The following RCAN2 variants were observed in gnomAD, a reference collection of about 807,000 sequenced individuals.
RCAN2 encodes the protein calcipressin-2.
A neutral mutation model predicts 23.6 loss-of-function variants in RCAN2; 9 were observed. The ratio of observed to expected loss-of-function variants is 0.38; its 90% CI spans 0.23 to 0.67. RCAN2 has a LOEUF of 0.67. Ranked by LOEUF, RCAN2 falls within the 30% of genes least tolerant of loss-of-function variation. RCAN2 has a pLI of 0.51. For synonymous variants in RCAN2, 109 were observed against 115.7 expected (o/e 0.94, Z 0.37); for missense variants, 273 against 302.3 (o/e 0.90, Z 0.72).
intron 4 of RCAN2, among the ~76,000 whole-genome samples, chr6:46,240,288 T>C (rs1766259624): frequency 6.6e-6 from 1 of 152,118 alleles, no homozygotes; most frequent in Non-Finnish European, 1.5e-5. Context: ...CAGTAGGATT[T>C]GTTATTCATA....
chr6:46,249,921 AT>A (rs1284945574), intron 2 of RCAN2, among the ~76,000 whole-genome samples: 16 of 152,164 alleles, frequency 1.1e-4, no homozygotes, highest in African/African-American at 3.9e-4. Context: ...GAAAAAAAAA[AT>A]CTCTATTGCA....
Position 46,246,898 on chromosome 6 carries a change from C to T in RCAN2, c.421G>A (p.Gly141Arg). ...GGTGGAGCCAAGTGCAGTTTGTCTC[C>T]ATCTGTCTCTGGAGTCTGAACCTTT... ...FAQVQTPETD[G>R]DKLHLAPPQP... Residue 141 changes from glycine (G) to arginine (R), a missense_variant, in exon 4 of 5, where the codon GGA (glycine) becomes AGA (arginine). Physicochemically the swap from Gly to Arg is moderately radical, Grantham distance 125 (BLOSUM62 -2). Coordinates refer to ENST00000371374, the MANE Select transcript of RCAN2 (RefSeq NM_001251974.2). The T allele has an allele frequency of 6.3e-7, 1 of 1,590,926 alleles. No homozygotes were observed. The highest frequency in any genetic ancestry group is 1.3e-5 in the African/African-American group (1 of 74,264).
chr6:46,460,186 G>A (rs1287434673), intron 1 of RCAN2, among the ~76,000 whole-genome samples: 1 of 152,004 alleles, frequency 6.6e-6, no homozygotes, highest in Non-Finnish European at 1.5e-5. Context: ...AGCCTCGTGA[G>A]TGGCTGGGAC....
At position 46,427,854 on chromosome 6, in the gene RCAN2, C is replaced by T. The variant is rs184300317; in HGVS notation, c.225+28898G>A. ...TCCACATAAGTGATTTCTTTCTTCT[C>T]CCTTGATGAGAGCCTTGATTTACTA... On this transcript the variant is annotated intron_variant, in intron 2 of 4. Transcript: ENST00000371374. 1.3e-3 allele frequency among the ~76,000 whole-genome samples: 196 copies of T among 152,360 alleles called. No homozygotes were observed. In the Middle Eastern group the frequency reaches 0.017, roughly 13 times the overall value.
At chr6:46,249,317 CTT>C (rs11331303) in intron 2 of RCAN2, among the ~76,000 whole-genome samples, 980 of 97,118 alleles carry the variant, frequency 0.01, 7 homozygotes, top group Non-Finnish European at 0.015. Context: ...TTCTTTCTTT[CTT>C]TTTTTTTTTT....
intron 2 of RCAN2, among the ~76,000 whole-genome samples, chr6:46,446,499 C>G (rs1221479498): frequency 6.6e-6 from 1 of 152,098 alleles, no homozygotes; most frequent in Non-Finnish European, 1.5e-5. Context: ...GTAATACAGT[C>G]AAGCATAGGA....
rs985125938 is a variant in RCAN2, at chr6:46,455,000, C to A, written c.225+1752G>T. ...GTATTTAATCAGGAAAGAATGAAAA[C>A]CCTCATTAAATCTCTAAGGAAAATC... On this transcript the variant is annotated intron_variant, in intron 2 of 4. Coordinates refer to ENST00000371374, the MANE Select transcript of RCAN2 (RefSeq NM_001251974.2). 2.0e-5 allele frequency among the ~76,000 whole-genome samples: 3 copies of A among 152,152 alleles called. No homozygotes were observed. In the East Asian group the frequency reaches 5.8e-4, roughly 29 times the overall value.
At chr6:46,461,243 T>C (rs533340067) in intron 1 of RCAN2, among the ~76,000 whole-genome samples, 1 of 152,314 alleles carries the variant, frequency 6.6e-6, no homozygotes, top group African/African-American at 2.4e-5. Context: ...CCTGCAACAC[T>C]GATATAATCA....
intron 1 of RCAN2, among the ~76,000 whole-genome samples, chr6:46,477,201 T>C (rs980764836): frequency 2.0e-5 from 3 of 152,146 alleles, no homozygotes; most frequent in Admixed American, 6.5e-5. Context: ...TGGTACTAAA[T>C]GATACATGGA....
chr6:46,353,736 A>G lies in RCAN2; in HGVS notation c.225+103016T>C, dbSNP rs1753113564. Among the ~76,000 whole-genome samples, 4 of 152,210 alleles carry G rather than the reference A, an allele frequency of 2.6e-5. No individual in the cohort carries two copies. The South Asian group carries it at 8.3e-4, about 32-fold the overall frequency. On this transcript the variant is annotated intron_variant, in intron 2 of 4. Coordinates refer to ENST00000371374, the MANE Select transcript of RCAN2 (RefSeq NM_001251974.2). ...AAAAGTATGGAAACTTGCCCAGGACAGTGTTTAATTTCCCAGGCGGCAGAG... is the reference window on the plus strand; with the variant it reads ...AAAAGTATGGAAACTTGCCCAGGACGGTGTTTAATTTCCCAGGCGGCAGAG...
chr6:46,403,441 A>T (rs892459809), intron 2 of RCAN2, among the ~76,000 whole-genome samples: 8 of 152,076 alleles, frequency 5.3e-5, no homozygotes, highest in Non-Finnish European at 7.4e-5. Flanking sequence ...GCATGGTGGC[A>T]CATGCCTATA....
chr6:46,428,277 A>G lies in RCAN2; in HGVS notation c.225+28475T>C, dbSNP rs546922826. Among the ~76,000 whole-genome samples the G allele has an allele frequency of 2.0e-5, 3 of 152,088 alleles. No individual in the cohort carries two copies. The East Asian group carries it at 5.8e-4, about 29-fold the overall frequency. On this transcript the variant is annotated intron_variant, in intron 2 of 4. Transcript: ENST00000371374. ...AGTACTCGTTCTGCCAAATATTTTT[A>G]CTCCCTGATCAAAGAATATAAGAAT...
intron 2 of RCAN2, among the ~76,000 whole-genome samples, chr6:46,454,876 A>G (rs1767975189): frequency 6.6e-6 from 1 of 152,188 alleles, no homozygotes; most frequent in South Asian, 2.1e-4. Context: ...CTGTCCTTCT[A>G]TGTCCTCAGT....
chr6:46,445,676 G>C (rs1250298073), intron 2 of RCAN2, among the ~76,000 whole-genome samples: 1 of 151,896 alleles, frequency 6.6e-6, no homozygotes, highest in Non-Finnish European at 1.5e-5. Context: ...AACATACAGA[G>C]AAACAATTTA....
intron 1 of RCAN2, among the ~76,000 whole-genome samples, chr6:46,475,701 C>T (rs1041011023): frequency 3.9e-5 from 6 of 152,182 alleles, no homozygotes; most frequent in African/African-American, 1.2e-4. Context: ...GTGACTGCTG[C>T]TTCCACCCTC....
intron 2 of RCAN2, among the ~76,000 whole-genome samples, chr6:46,349,394 A>G (rs910196739): frequency 1.7e-4 from 26 of 152,130 alleles, no homozygotes; most frequent in African/African-American, 6.3e-4. Context: ...CAACACACAC[A>G]ATGGCCTGTT....
At chr6:46,403,233 G>T (rs1766308206) in intron 2 of RCAN2, among the ~76,000 whole-genome samples, 1 of 151,974 alleles carries the variant, frequency 6.6e-6, no homozygotes, top group Non-Finnish European at 1.5e-5. Flanking sequence ...CCAAAGTGCT[G>T]GGATTGTAGG....
At chr6:46,322,865 C>G (rs1404054953) in intron 2 of RCAN2, among the ~76,000 whole-genome samples, 1 of 152,194 alleles carries the variant, frequency 6.6e-6, no homozygotes, top group Non-Finnish European at 1.5e-5. Context: ...TACGTTTGAA[C>G]CTTTCTTCGT....
intron 2 of RCAN2, among the ~76,000 whole-genome samples, chr6:46,436,064 G>A (rs1426073652): frequency 6.6e-6 from 1 of 152,224 alleles, no homozygotes; most frequent in African/African-American, 2.4e-5. Context: ...TATGTGCTCA[G>A]ATTTCAGAAG....
Sources: allele counts gnomAD v4.1 joint callset (sites outside exome capture counted in the v4.1 genomes callset), GRCh38; gene constraint gnomAD v4.1.1; transcripts MANE v1.5; gene names NCBI Gene and HGNC (gene_info 2026-07-23, HGNC 2026-07-21).